The following DYNC2H1 variants were observed in gnomAD, a reference collection of about 807,000 sequenced individuals.
The protein encoded by DYNC2H1 is dynein cytoplasmic 2 heavy chain 1.
In DYNC2H1, 410 loss-of-function variants were observed where a neutral mutation model predicts 570.0. The observed-to-expected ratio is 0.72, with a 90% CI of 0.66 to 0.78. The LOEUF is 0.78. Ranked by LOEUF, DYNC2H1 falls within the 30% of genes least tolerant of loss-of-function variation. The pLI is 0.00. For synonymous variants in DYNC2H1, 1,688 were observed against 1,677.6 expected (o/e 1.01, Z -0.15); for missense variants, 4,865 against 5,046.4 (o/e 0.96, Z 1.09).
intron 21 of DYNC2H1, 62 bp downstream of exon 21, chr11:103,152,347 T>G (rs1860601608): frequency 6.9e-7 from 1 of 1,453,520 alleles, no homozygotes; most frequent in South Asian, 1.3e-5. Flanking sequence ...ATTTCTTGCT[T>G]ATCTTTTATT....
At chr11:103,344,890 T>A (rs1034799027) in intron 82 of DYNC2H1, among the ~76,000 whole-genome samples, 3 of 152,186 alleles carry the variant, frequency 2.0e-5, no homozygotes, top group Non-Finnish European at 2.9e-5. Context: ...ATTAAGATAT[T>A]ACCATAACTT....
chr11:103,226,185 CA>C (rs1863794995), intron 59 of DYNC2H1, among the ~76,000 whole-genome samples: 1 of 152,058 alleles, frequency 6.6e-6, no homozygotes, highest in Non-Finnish European at 1.5e-5. Flanking sequence ...TCCGCTTTAC[CA>C]ATTTGGATGC....
intron 72 of DYNC2H1, among the ~76,000 whole-genome samples, 154 bp downstream of exon 72, chr11:103,282,383 T>C (rs1300992770): frequency 6.6e-6 from 1 of 152,036 alleles, no homozygotes; most frequent in African/African-American, 2.4e-5. Flanking sequence ...GTATTTCCTA[T>C]AAAATAGACA....
At chr11:103,276,631 A>C (rs1865916750) in intron 70 of DYNC2H1, among the ~76,000 whole-genome samples, 1 of 152,104 alleles carries the variant, frequency 6.6e-6, no homozygotes, top group Non-Finnish European at 1.5e-5. Flanking sequence ...AAATTTTGCT[A>C]TTTTAATGTG....
At chr11:103,158,120 C>T (rs1211759712) in intron 26 of DYNC2H1, among the ~76,000 whole-genome samples, 3 of 152,202 alleles carry the variant, frequency 2.0e-5, no homozygotes, top group Non-Finnish European at 4.4e-5. Context: ...TTTGCTGTCA[C>T]TGGACCATTA....
intron 84 of DYNC2H1, among the ~76,000 whole-genome samples, chr11:103,419,519 G>T (rs1206089882): frequency 6.6e-6 from 1 of 151,650 alleles, no homozygotes; most frequent in Non-Finnish European, 1.5e-5. Context: ...GTCTAGAGTG[G>T]ACCCCCAGCA....
chr11:103,298,491 G>A (rs568361432), intron 75 of DYNC2H1, among the ~76,000 whole-genome samples: 3 of 152,056 alleles, frequency 2.0e-5, no homozygotes, highest in Non-Finnish European at 2.9e-5. Context: ...AAGGTTTAAT[G>A]GCATTAATTA....
intron 67 of DYNC2H1, 143 bp downstream of exon 67, chr11:103,255,677 A>G (rs1444274422): frequency 1.2e-6 from 1 of 817,348 alleles, no homozygotes; most frequent in Non-Finnish European, 1.8e-6. Flanking sequence ...TCAAAATTCT[A>G]ACAAGAAGGG....
chr11:103,245,146 G>A lies in DYNC2H1; in HGVS notation c.9919-105G>A, dbSNP rs1051843977. 1 of 973,858 alleles carries A rather than the reference G, an allele frequency of 1.0e-6. No individual in the cohort carries two copies. The highest frequency in any genetic ancestry group is 1.5e-6 in the Non-Finnish European group (1 of 682,768). The allele number at this position is 973,858 out of a possible 1,614,324, so 60.3% of individuals were successfully genotyped here. On this transcript the variant is annotated intron_variant, in intron 64 of 88. Coordinates refer to ENST00000375735, the MANE Select transcript of DYNC2H1 (RefSeq NM_001377.3). The surrounding 1 kb of genome is among the most constrained non-coding windows in gnomAD (Gnocchi z 4.5). ...TTTATTACCTATAGAATCTGAAATTGTGTTTCTATAACATTTTGAAATTAC... is the reference window on the plus strand; with the variant it reads ...TTTATTACCTATAGAATCTGAAATTATGTTTCTATAACATTTTGAAATTAC...
intron 82 of DYNC2H1, among the ~76,000 whole-genome samples, chr11:103,344,204 G>C (rs1373955268): frequency 6.6e-6 from 1 of 152,178 alleles, no homozygotes; most frequent in Non-Finnish European, 1.5e-5. Context: ...ATTTTAGATA[G>C]AGGCAAATAA....
At position 103,439,318 on chromosome 11, in the gene DYNC2H1, G is replaced by A. The variant is rs1565600719; in HGVS notation, c.12456+3286G>A. Among the ~76,000 whole-genome samples, 3 of 152,016 alleles carry A rather than the reference G, an allele frequency of 2.0e-5. No homozygotes were observed. Among genetic ancestry groups the A allele is most frequent in the Admixed American group, 2.0e-4 (3 of 15,236 alleles). On this transcript the variant is annotated intron_variant, in intron 85 of 88. Transcript: ENST00000375735. The surrounding 1 kb of genome is among the most constrained non-coding windows in gnomAD (Gnocchi z 4.1). ...GAGTCTGATATCAAGAGTAAGTATT[G>A]TGTTATACCAAAGTTATTGAAATTT...
intron 76 of DYNC2H1, among the ~76,000 whole-genome samples, chr11:103,304,353 A>T (rs1867184483): frequency 6.6e-6 from 1 of 152,144 alleles, no homozygotes; most frequent in Admixed American, 6.5e-5. Context: ...GATCTTAGGA[A>T]GGGGAGCTCT....
intron 20 of DYNC2H1, among the ~76,000 whole-genome samples, chr11:103,149,151 C>A (rs2450919): frequency 0.68 from 103,642 of 152,086 alleles, 36,147 homozygotes; most frequent in East Asian, 0.77. Context: ...GATCTATTTG[C>A]AGTCTATTTT....
intron 65 of DYNC2H1, among the ~76,000 whole-genome samples, chr11:103,246,997 T>C (rs1051022722): frequency 1.3e-5 from 2 of 148,692 alleles, no homozygotes; most frequent in East Asian, 4.0e-4. Flanking sequence ...TCTCTCTCTC[T>C]CCTTTTTTTT....
intron 17 of DYNC2H1, among the ~76,000 whole-genome samples, chr11:103,136,210 T>C (rs1859539032): frequency 6.6e-6 from 1 of 150,698 alleles, no homozygotes. Context: ...TTATTTTTAT[T>C]TTTTATTTTT....
intron 87 of DYNC2H1, among the ~76,000 whole-genome samples, chr11:103,464,865 C>T (rs540719431): frequency 6.6e-6 from 1 of 152,208 alleles, no homozygotes; most frequent in South Asian, 2.1e-4. Flanking sequence ...CCTAAAACAA[C>T]AGTGAACCCC....
rs1333438254 is a variant in DYNC2H1, at chr11:103,468,588, G to A, written c.12649-1G>A. The A allele has an allele frequency of 6.2e-7, 1 of 1,610,308 alleles. No homozygotes were observed. The highest frequency in any genetic ancestry group is 8.5e-7 in the Non-Finnish European group (1 of 1,177,082). ...TCATGACATATTTGTTTCCATGGCA[G>A]ATCAGTGGCTTGTTACTAGAAGGAT... On this transcript the variant is annotated splice_acceptor_variant, in intron 87 of 88. Transcript: ENST00000375735. LOFTEE classifies it high-confidence loss of function.
In DYNC2H1 at chr11:103,205,760, G is replaced by A. The variant is rs1315245246; in HGVS notation, c.8454+796G>A. ...GTATATCTGCGGGGAAAGCTTTCTA[G>A]GTGAAGATCCTGGGTAGAGAGCATG... On this transcript the variant is annotated intron_variant, in intron 52 of 88. Transcript: ENST00000375735. This position sits in a 1 kb window ranked among gnomAD's most constrained non-coding sequence, Gnocchi z 4.5. Among the ~76,000 whole-genome samples the A allele has an allele frequency of 2.0e-5, 3 of 152,084 alleles. No homozygotes were observed. Among genetic ancestry groups the A allele is most frequent in the Admixed American group, 1.3e-4 (2 of 15,238 alleles).
chr11:103,176,340 C>T lies in DYNC2H1; in HGVS notation c.5780C>T (p.Pro1927Leu), dbSNP rs367585820. ...RFDALIKDVF[P>L]GIELKEVEYD... ...GATGCACTGATAAAAGATGTCTTTCCGGGAATTGAATTGAAAGAAGTGGAA... is the reference window on the plus strand; with the variant it reads ...GATGCACTGATAAAAGATGTCTTTCTGGGAATTGAATTGAAAGAAGTGGAA... The change falls in exon 37 of 89, where the codon CCG becomes CTG. Residue 1927 changes from proline to leucine, a missense_variant. By Grantham distance (98) the Pro-to-Leu change is moderately conservative. This residue lies in a region of DYNC2H1 where 292 missense variants were observed against 300.2 expected (regional missense o/e 0.97). Transcript: ENST00000375735. 9.0e-5 allele frequency: 143 copies of T among 1,582,444 alleles called. No homozygotes were observed. The highest frequency in any genetic ancestry group is 1.1e-4 in the Non-Finnish European group (123 of 1,164,268).
Sources: gnomAD v4.1 joint callset for allele counts (sites outside exome capture counted in the v4.1 genomes callset) on GRCh38, gnomAD v4.1.1 for gene constraint, gnomAD v4.1.1 regional missense constraint, Gnocchi (gnomAD v3.1) non-coding constraint, MANE v1.5 for transcripts, NCBI Gene and HGNC (gene_info 2026-07-23, HGNC 2026-07-21) for gene names.